BANK1: variants seen among roughly 807,000 people sequenced by gnomAD.
BANK1 encodes the protein B cell scaffold protein with ankyrin repeats 1.
In BANK1, 95 loss-of-function variants were observed where a neutral mutation model predicts 94.5. That is an observed-to-expected ratio of 1.00 (90% CI 0.85 to 1.19). The LOEUF (loss-of-function observed/expected upper bound fraction) is 1.19, where lower values mean the gene tolerates loss of function less well. BANK1 is among the 50% of genes most tolerant of loss of function. The pLI is 0.00. For synonymous variants in BANK1, 334 were observed against 308.4 expected (o/e 1.08, Z -0.87); for missense variants, 987 against 932.2 (o/e 1.06, Z -0.77).
At chr4:101,868,049 A>T (rs1422671984) in intron 4 of BANK1, among the ~76,000 whole-genome samples, 1 of 151,972 alleles carries the variant, frequency 6.6e-6, no homozygotes, top group Non-Finnish European at 1.5e-5. Flanking sequence ...AAGACCCAAT[A>T]ATATGTTGTC....
At position 102,039,011 on chromosome 4, in the gene BANK1, C is replaced by A. The variant is rs564912550; in HGVS notation, c.1901-4828C>A. 2.6e-3 allele frequency among the ~76,000 whole-genome samples: 401 copies of A among 152,192 alleles called. 1 individual carries two copies. The highest frequency in any genetic ancestry group is 6.8e-3 in the Middle Eastern group (2 of 294). On this transcript the variant is annotated intron_variant, in intron 10 of 16. Coordinates refer to ENST00000322953, the MANE Select transcript of BANK1 (RefSeq NM_017935.5). ...TTCCTTCATGCAGCAGTGTGTTTTC[C>A]ACCTTTCCATCTCTGCTTATCTGAA...
intron 7 of BANK1, among the ~76,000 whole-genome samples, chr4:101,970,445 C>T (rs772202455): frequency 1.3e-5 from 2 of 152,004 alleles, no homozygotes; most frequent in African/African-American, 2.4e-5. Context: ...ATGAGAAATC[C>T]CCAATTTCTT....
At chr4:101,920,633 C>G (rs1436095007) in intron 7 of BANK1, among the ~76,000 whole-genome samples, 1 of 151,906 alleles carries the variant, frequency 6.6e-6, no homozygotes, top group African/African-American at 2.4e-5. Context: ...TTACAATCTA[C>G]TAGTGGACTA....
chr4:101,878,064 A>G (rs1728554240), intron 5 of BANK1, among the ~76,000 whole-genome samples: 2 of 152,180 alleles, frequency 1.3e-5, no homozygotes, highest in Admixed American at 6.5e-5. Context: ...AAAACAACCA[A>G]AAAAACAAAT....
rs1419390484 is a variant in BANK1 at position 101,829,751 on chromosome 4, A to G, written c.71-57A>G. ...AGCATATTAAAATTTTTGAGAAATAATAATTTAACCTGCTGATAGCATTGC... is the reference window on the plus strand; with the variant it reads ...AGCATATTAAAATTTTTGAGAAATAGTAATTTAACCTGCTGATAGCATTGC... On this transcript the variant is annotated intron_variant, in intron 1 of 16. Coordinates refer to ENST00000322953, the MANE Select transcript of BANK1 (RefSeq NM_017935.5). The G allele has an allele frequency of 2.5e-6, 3 of 1,204,140 alleles. No homozygotes were observed. In the African/African-American group the frequency reaches 4.7e-5, roughly 19 times the overall value. The allele number at this position is 1,204,140 out of a possible 1,614,324, so 74.6% of individuals were successfully genotyped here.
At chr4:102,043,423 T>C (rs1379477918) in intron 10 of BANK1, among the ~76,000 whole-genome samples, 1 of 152,092 alleles carries the variant, frequency 6.6e-6, no homozygotes, top group Non-Finnish European at 1.5e-5. Flanking sequence ...AGAGTCTTTT[T>C]ACCTATTTAA....
At chr4:102,011,368 G>A (rs544871033) in intron 7 of BANK1, among the ~76,000 whole-genome samples, 23 of 152,240 alleles carry the variant, frequency 1.5e-4, no homozygotes, top group African/African-American at 4.6e-4. Flanking sequence ...ACAAGTGACC[G>A]AAATCTACCT....
intron 7 of BANK1, among the ~76,000 whole-genome samples, chr4:102,005,633 T>G (rs545551050): frequency 4.0e-4 from 61 of 152,222 alleles, no homozygotes; most frequent in Non-Finnish European, 6.6e-4. Context: ...ATGAGTTCGC[T>G]AACACCATTA....
At chr4:101,925,933 T>C (rs550678655) in intron 7 of BANK1, among the ~76,000 whole-genome samples, 2 of 151,864 alleles carry the variant, frequency 1.3e-5, no homozygotes, top group African/African-American at 4.8e-5. Flanking sequence ...ATTGACACCA[T>C]ATCTGTCGAG....
chr4:102,073,924 A>C, intron 16 of BANK1, 81 bp from the exon 17 acceptor site: 1 of 475,604 alleles, frequency 2.1e-6, no homozygotes, highest in Non-Finnish European at 3.7e-6. Context: ...ATTTATGTAC[A>C]GGGGTGATTT....
intron 2 of BANK1, among the ~76,000 whole-genome samples, chr4:101,854,431 T>G (rs150771941): frequency 4.3e-4 from 65 of 152,338 alleles, no homozygotes; most frequent in African/African-American, 1.4e-3. Flanking sequence ...TTAGCATATT[T>G]CAGTGTTCTT....
At chr4:101,843,881 C>T (rs544952332) in intron 2 of BANK1, among the ~76,000 whole-genome samples, 14 of 152,068 alleles carry the variant, frequency 9.2e-5, no homozygotes, top group East Asian at 1.9e-4. Flanking sequence ...GATACCACAC[C>T]GTTGCACTCC....
chr4:101,863,334 G>T (rs988905527), intron 4 of BANK1, among the ~76,000 whole-genome samples: 1 of 151,798 alleles, frequency 6.6e-6, no homozygotes, highest in Non-Finnish European at 1.5e-5. Flanking sequence ...ATGTAAAACT[G>T]CTTGGTTTTT....
chr4:101,883,183 G>T (rs1156706296), intron 5 of BANK1, among the ~76,000 whole-genome samples: 1 of 151,970 alleles, frequency 6.6e-6, no homozygotes, highest in Non-Finnish European at 1.5e-5. Context: ...TCCAAATTGG[G>T]GTAGTTCAGA....
intron 1 of BANK1, among the ~76,000 whole-genome samples, chr4:101,794,647 A>G (rs34800142): frequency 0.61 from 93,156 of 151,562 alleles, 29,274 homozygotes; most frequent in African/African-American, 0.75. Flanking sequence ...AAATAGTCCC[A>G]GTGGTGGAAA....
At chr4:101,915,313 C>G (rs1396343780) in intron 6 of BANK1, among the ~76,000 whole-genome samples, 7 of 152,102 alleles carry the variant, frequency 4.6e-5, no homozygotes, top group Admixed American at 1.3e-4. Context: ...TGCATACAAT[C>G]TGGCTCCAAA....
rs1415178526 is a variant in BANK1, at chr4:102,029,963, C to A, written c.1598C>A (p.Thr533Lys). 6.2e-7 allele frequency: 1 copy of A among 1,600,098 alleles called. No homozygotes were observed. Among genetic ancestry groups the A allele is most frequent in the South Asian group, 1.1e-5 (1 of 88,160 alleles). The change falls in exon 10 of 17, where the codon ACA (threonine) becomes AAA (lysine). Residue 533 changes from threonine (T) to lysine (K), a missense_variant. Coordinates refer to ENST00000322953, the MANE Select transcript of BANK1 (RefSeq NM_017935.5). ...LERPHFTLPG[T>K]MVEGQMERSQ... ...CATGTAAATATTTCATAAACAGGGA[C>A]AATGGTGGAAGGCCAAATGGAAAGA...
intron 2 of BANK1, among the ~76,000 whole-genome samples, chr4:101,840,641 A>C (rs566429592): frequency 6.6e-6 from 1 of 152,196 alleles, no homozygotes; most frequent in African/African-American, 2.4e-5. Flanking sequence ...TCCCATAAGG[A>C]ATACTTTTAG....
At chr4:101,877,222 T>G (rs1728523779) in intron 5 of BANK1, among the ~76,000 whole-genome samples, 1 of 152,118 alleles carries the variant, frequency 6.6e-6, no homozygotes, top group Non-Finnish European at 1.5e-5. Context: ...GCAAGCAGAT[T>G]TAACCCAAAG....
Sources: allele counts gnomAD v4.1 joint callset (sites outside exome capture counted in the v4.1 genomes callset), GRCh38; gene constraint gnomAD v4.1.1; transcripts MANE v1.5; gene names NCBI Gene and HGNC (gene_info 2026-07-23, HGNC 2026-07-21).